Variants in MYPN observed in about 807,000 individuals in gnomAD.
MYPN encodes myopalladin.
A neutral mutation model predicts 129.4 loss-of-function variants in MYPN; 63 were observed. The ratio of observed to expected loss-of-function variants is 0.49; its 90% confidence interval spans 0.40 to 0.60. The LOEUF (loss-of-function observed/expected upper bound fraction) is 0.60. Ranked by LOEUF, MYPN falls within the 20% of genes least tolerant of loss-of-function variation. MYPN has a pLI of 0.00. For missense variants in MYPN, 1,596 were observed against 1,635.4 expected (o/e 0.98, Z 0.42); for synonymous variants, 629 against 600.9 (o/e 1.05, Z -0.68).
At chr10:68,174,750 G>A (rs2043200831) in intron 11 of MYPN, 94 bp downstream of exon 11, 1 of 1,165,178 alleles carries the variant, frequency 8.6e-7, no homozygotes, top group Non-Finnish European at 1.3e-6. Flanking sequence ...CTCATTTTGT[G>A]GATTCCTAGA....
intron 4 of MYPN, among the ~76,000 whole-genome samples, chr10:68,147,216 G>A (rs373935727): frequency 6.6e-6 from 1 of 152,106 alleles, no homozygotes; most frequent in East Asian, 1.9e-4. Context: ...GTGCTGTAGT[G>A]CGATCTCAGC....
In MYPN at chr10:68,150,231, G is replaced by A. The variant is rs181840557; in HGVS notation, c.1317+120G>A. The stretch of plus-strand genomic sequence containing the variant: ...TTTGGTCTTCTGTATGTACGGTATA[G>A]GGTTTGGGTTGTTTTGTTAGTTACT... On this transcript the variant is annotated intron_variant, in intron 6 of 19. Transcript: ENST00000358913. The A allele has an allele frequency of 1.9e-4, 164 of 867,472 alleles. No homozygotes were observed. The East Asian group carries it at 3.9e-3, about 20-fold the overall frequency. The allele number at this position is 867,472 out of a possible 1,614,324, so 53.7% of individuals were successfully genotyped here. A position where few individuals can be genotyped will look rare whatever the true frequency, so the allele number is the denominator to read the frequency against.
In MYPN at chr10:68,126,576, C is replaced by T. The variant is rs576706386; in HGVS notation, c.902+4236C>T. ...CGGACTCGGGTAGGTGTGGTAGGAACGAGGAGGAAGGATGTCAGCGAGCAA... is the reference window on the plus strand; with the variant it reads ...CGGACTCGGGTAGGTGTGGTAGGAATGAGGAGGAAGGATGTCAGCGAGCAA... On this transcript the variant is annotated intron_variant, in intron 2 of 19. Coordinates refer to ENST00000358913, the MANE Select transcript of MYPN (RefSeq NM_032578.4). 2.2e-4 allele frequency among the ~76,000 whole-genome samples: 33 copies of T among 152,058 alleles called. No homozygotes were observed. In the Middle Eastern group the frequency reaches 0.014, roughly 63 times the overall value.
At chr10:68,143,820 T>C (rs1171676920) in intron 3 of MYPN, among the ~76,000 whole-genome samples, 1 of 152,158 alleles carries the variant, frequency 6.6e-6, no homozygotes, top group Non-Finnish European at 1.5e-5. Context: ...AGTGACACCA[T>C]CTCGGCCCAC....
intron 6 of MYPN, among the ~76,000 whole-genome samples, chr10:68,155,847 G>T (rs999959048): frequency 6.6e-6 from 1 of 152,162 alleles, no homozygotes; most frequent in East Asian, 1.9e-4. Context: ...TTGATGATGT[G>T]CCACACTGGA....
At position 68,175,339 on chromosome 10, in the gene MYPN, G is replaced by A; in HGVS notation, c.2581G>A (p.Ala861Thr). The change falls in exon 12 of 20, where the codon GCG (alanine) becomes ACG (threonine). Residue 861 changes from alanine to threonine, a missense_variant. By Grantham distance (58) the Ala-to-Thr change is moderately conservative (BLOSUM62 0). Transcript: ENST00000358913. ...ATCTTACAGGCCATCCCAGGGATTA[G>A]CGAAGAAAAATACAAAGTCTCCTCA... ...SAPSMPSQGL[A>T]KKNTKSPQPV... 5.6e-6 allele frequency: 9 copies of A among 1,613,998 alleles called. No individual in the cohort carries two copies. Among genetic ancestry groups the A allele is most frequent in the East Asian group, 2.2e-5 (1 of 44,864 alleles).
chr10:68,132,930 A>G (rs2042431728), intron 2 of MYPN, among the ~76,000 whole-genome samples: 1 of 152,204 alleles, frequency 6.6e-6, no homozygotes. Context: ...CATCATCCCA[A>G]AATGGTAGAC....
intron 5 of MYPN, 142 bp from the exon 6 acceptor site, chr10:68,149,898 T>G (rs564388350): frequency 2.7e-6 from 2 of 749,624 alleles, no homozygotes; most frequent in African/African-American, 1.7e-5. Flanking sequence ...AAATTTGAAG[T>G]CTGTGATTCA....
At chr10:68,155,590 C>A (rs541092400) in intron 6 of MYPN, among the ~76,000 whole-genome samples, 5 of 152,292 alleles carry the variant, frequency 3.3e-5, no homozygotes, top group African/African-American at 1.2e-4. Flanking sequence ...TCTGTACACC[C>A]CATGCCATTA....
chr10:68,152,771 G>A (rs2042795674), intron 6 of MYPN, among the ~76,000 whole-genome samples: 1 of 151,946 alleles, frequency 6.6e-6, no homozygotes, highest in Admixed American at 6.6e-5. Flanking sequence ...AGAGTAGCTG[G>A]AATAGCAGGC....
chr10:68,182,939 C>A (rs990102005), intron 12 of MYPN, among the ~76,000 whole-genome samples: 1 of 152,068 alleles, frequency 6.6e-6, no homozygotes, highest in African/African-American at 2.4e-5. Flanking sequence ...AAATAAAATG[C>A]ACATATTTTC....
intron 3 of MYPN, among the ~76,000 whole-genome samples, chr10:68,144,994 G>C (rs1214560177): frequency 3.3e-5 from 5 of 151,890 alleles, no homozygotes; most frequent in Non-Finnish European, 7.4e-5. Context: ...TTGTCAAGTT[G>C]GGTGTTAGTG....
intron 2 of MYPN, among the ~76,000 whole-genome samples, chr10:68,142,739 A>G (rs1481028732): frequency 6.6e-6 from 1 of 152,140 alleles, no homozygotes; most frequent in Non-Finnish European, 1.5e-5. Context: ...CTACTTTCTA[A>G]TTTCCTGAGT....
intron 2 of MYPN, among the ~76,000 whole-genome samples, chr10:68,141,788 C>T (rs2042582894): frequency 6.6e-6 from 1 of 152,160 alleles, no homozygotes; most frequent in Non-Finnish European, 1.5e-5. Context: ...GGTGGGGCGA[C>T]ATAATGAAAC....
chr10:68,134,974 A>T (rs2042464516), intron 2 of MYPN, among the ~76,000 whole-genome samples: 2 of 151,844 alleles, frequency 1.3e-5, no homozygotes, highest in South Asian at 2.1e-4. Flanking sequence ...TTTTTTTGAA[A>T]CAGGTCTCAC....
At chr10:68,144,731 G>A (rs1267941159) in intron 3 of MYPN, among the ~76,000 whole-genome samples, 4 of 152,078 alleles carry the variant, frequency 2.6e-5, no homozygotes, top group Admixed American at 6.5e-5. Context: ...GGACGGAAGA[G>A]CATCCACCTA....
chr10:68,090,822 T>C (rs1241529391), intron 1 of MYPN, among the ~76,000 whole-genome samples: 1 of 152,158 alleles, frequency 6.6e-6, no homozygotes, highest in Non-Finnish European at 1.5e-5. Context: ...GGAAGTCCAG[T>C]TGGTTGACTG....
At chr10:68,183,819 A>G (rs2043378527) in intron 12 of MYPN, among the ~76,000 whole-genome samples, 1 of 151,874 alleles carries the variant, frequency 6.6e-6, no homozygotes, top group South Asian at 2.1e-4. Context: ...AGCCCAGTTC[A>G]AGACCAGCCT....
chr10:68,099,538 G>A (rs2041972377), intron 1 of MYPN, among the ~76,000 whole-genome samples: 1 of 151,964 alleles, frequency 6.6e-6, no homozygotes, highest in Non-Finnish European at 1.5e-5. Flanking sequence ...GTCTCAGGAG[G>A]CTAAGACATG....
Sources: gnomAD v4.1 joint callset for allele counts (sites outside exome capture counted in the v4.1 genomes callset) on GRCh38, gnomAD v4.1.1 for gene constraint, MANE v1.5 for transcripts, NCBI Gene and HGNC (gene_info 2026-07-23, HGNC 2026-07-21) for gene names.